Variants in SLC6A5 observed in about 807,000 individuals in gnomAD.
The protein encoded by SLC6A5 is sodium- and chloride-dependent glycine transporter 2.
A neutral mutation model predicts 90.5 loss-of-function variants in SLC6A5; 58 were observed. That is an observed-to-expected ratio of 0.64 (90% CI 0.52 to 0.80). The LOEUF (loss-of-function observed/expected upper bound fraction) is 0.80. Among genes scored for constraint, SLC6A5 ranks in the 30% least tolerant of loss-of-function variants. The probability of loss-of-function intolerance (pLI) is 0.00; values close to 1 mark genes in which losing one functional copy is unlikely to be tolerated. For synonymous variants in SLC6A5, 427 were observed against 401.4 expected (o/e 1.06, Z -0.76); for missense variants, 1,015 against 1,017.6 (o/e 1.00, Z 0.03).
chr11:20,649,782 T>C (rs1306277154), intron 14 of SLC6A5, among the ~76,000 whole-genome samples: 1 of 152,194 alleles, frequency 6.6e-6, no homozygotes, highest in East Asian at 1.9e-4. Flanking sequence ...GTATTGCTAT[T>C]TATATAGTAA....
intron 7 of SLC6A5, 139 bp from the exon 8 acceptor site, chr11:20,626,569 C>A (rs1852998523): frequency 4.5e-6 from 4 of 886,344 alleles, no homozygotes; most frequent in Non-Finnish European, 7.2e-6. Context: ...CTTCCCCAGC[C>A]CTGGCTGCAT....
chr11:20,623,197 A>G (rs1852925672), intron 7 of SLC6A5, among the ~76,000 whole-genome samples: 1 of 152,130 alleles, frequency 6.6e-6, no homozygotes, highest in South Asian at 2.1e-4. Flanking sequence ...GTCACAGTGG[A>G]GAGAAAAGGA....
chr11:20,642,906 G>A (rs1272303569), intron 13 of SLC6A5, among the ~76,000 whole-genome samples: 1 of 152,162 alleles, frequency 6.6e-6, no homozygotes, highest in Non-Finnish European at 1.5e-5. Flanking sequence ...TGAAACCCAA[G>A]CCTTTTCACT....
chr11:20,600,408 GA>G (rs1852445945), intron 1 of SLC6A5, among the ~76,000 whole-genome samples: 3 of 138,072 alleles, frequency 2.2e-5, no homozygotes, highest in Non-Finnish European at 3.2e-5. Flanking sequence ...AGAAGAAGAA[GA>G]AGACCTAAAC....
At position 20,654,916 on chromosome 11, in the gene SLC6A5, C is replaced by T. The variant is rs759361550; in HGVS notation, c.*48C>T. On this transcript the variant is annotated 3_prime_UTR_variant, in exon 16 of 16. Coordinates refer to ENST00000525748, the MANE Select transcript of SLC6A5 (RefSeq NM_004211.5). ...GACTTGATCCTGTTTTTCCTCTCTG[C>T]CTCCTCCTAATGTTTTCCATAGCTC... 2 of 1,575,484 alleles carry T rather than the reference C, an allele frequency of 1.3e-6. No homozygotes were observed. The highest frequency in any genetic ancestry group is 1.7e-6 in the Non-Finnish European group (2 of 1,144,656).
chr11:20,628,465 T>C (rs1853045388), intron 9 of SLC6A5, among the ~76,000 whole-genome samples: 1 of 152,208 alleles, frequency 6.6e-6, no homozygotes, highest in Non-Finnish European at 1.5e-5. Flanking sequence ...TCTCCTCTTC[T>C]TATAAAGACC....
At position 20,636,393 on chromosome 11, in the gene SLC6A5, C is replaced by A; in HGVS notation, c.1711C>A (p.Leu571Ile). 6.2e-7 allele frequency: 1 copy of A among 1,611,830 alleles called. No homozygotes were observed. Among genetic ancestry groups the A allele is most frequent in the Non-Finnish European group, 8.5e-7 (1 of 1,177,888 alleles). Residue 571 changes from leucine to isoleucine, a missense_variant, in exon 11 of 16, where the codon CTC (leucine) becomes ATC (isoleucine). Physicochemically the swap from Leu to Ile is conservative, Grantham distance 5. Transcript: ENST00000525748. The stretch of plus-strand genomic sequence containing the variant: ...CTGGGCCATCATCTTTTTCCTGATG[C>A]TCCTCACTCTTGGACTTGACACTAT... ...PFWAIIFFLM[L>I]LTLGLDTMFA...
chr11:20,634,123 GCCTCC>G (rs2133806333), intron 10 of SLC6A5, among the ~76,000 whole-genome samples: 1 of 152,218 alleles, frequency 6.6e-6, no homozygotes, highest in African/African-American at 2.4e-5. Context: ...GCCCACCTTG[GCCTCC>G]CAAAGTGTGG....
chr11:20,640,094 A>C (rs1853284099), intron 13 of SLC6A5, among the ~76,000 whole-genome samples: 1 of 152,190 alleles, frequency 6.6e-6, no homozygotes. Context: ...TTGCCAGGAG[A>C]GGCAAAAAGA....
At chr11:20,654,257 T>C (rs1853596925) in intron 15 of SLC6A5, among the ~76,000 whole-genome samples, 1 of 152,196 alleles carries the variant, frequency 6.6e-6, no homozygotes, top group Admixed American at 6.5e-5. Context: ...CTGGGAAATA[T>C]GCTAAACAAA....
chr11:20,625,550 CCG>C (rs1378960765), intron 7 of SLC6A5, among the ~76,000 whole-genome samples: 2 of 152,198 alleles, frequency 1.3e-5, no homozygotes, highest in African/African-American at 4.8e-5. Flanking sequence ...GCATAAGCCA[CCG>C]CGCCCGGCCT....
intron 9 of SLC6A5, among the ~76,000 whole-genome samples, chr11:20,629,380 C>G (rs1853064495): frequency 6.6e-6 from 1 of 152,194 alleles, no homozygotes; most frequent in Non-Finnish European, 1.5e-5. Flanking sequence ...CCCATCTCCT[C>G]AATTTCTGTT....
intron 10 of SLC6A5, 41 bp downstream of exon 10, chr11:20,630,856 C>A (rs763380365): frequency 1.2e-6 from 2 of 1,611,018 alleles, no homozygotes; most frequent in Non-Finnish European, 1.7e-6. Context: ...GGGCAGGTCC[C>A]AGGCTCATGT....
chr11:20,649,829 A>G (rs1853489364), intron 14 of SLC6A5, among the ~76,000 whole-genome samples: 1 of 152,222 alleles, frequency 6.6e-6, no homozygotes, highest in African/African-American at 2.4e-5. Context: ...ACATTAGGCC[A>G]TACTTACAAT....
chr11:20,617,609 A>G, intron 6 of SLC6A5, 143 bp from the exon 7 acceptor site: 1 of 734,312 alleles, frequency 1.4e-6, no homozygotes, highest in Non-Finnish European at 2.4e-6. Context: ...TGATGTGATT[A>G]GGTTCCTGAT....
rs557118448 is a variant in SLC6A5, at chr11:20,638,773, T to C, written c.1969+215T>C. ...AACAAGAGGTGGCTGAAGGCGAAAC[T>C]TAAAAATCTTTGTATCAGAAATTCC... On this transcript the variant is annotated intron_variant, in intron 13 of 15. Transcript: ENST00000525748. Among the ~76,000 whole-genome samples the C allele has an allele frequency of 5.9e-5, 9 of 152,308 alleles. 1 individual carries two copies. In the South Asian group the frequency reaches 1.9e-3, roughly 32 times the overall value.
In SLC6A5 at chr11:20,654,797, G is replaced by C. The variant is rs776857479; in HGVS notation, c.2323G>C (p.Asp775His). 5.9e-5 allele frequency: 96 copies of C among 1,613,972 alleles called. No homozygotes were observed. Among genetic ancestry groups the C allele is most frequent in the Non-Finnish European group, 3.4e-6 (4 of 1,180,014 alleles). The change falls in exon 16 of 16, where the codon GAC becomes CAC. Residue 775 changes from aspartate to histidine, a missense_variant. Around this residue, in one of 3 missense-constraint regions of SLC6A5, gnomAD observed 442 missense variants for 494.3 expected, o/e 0.89. Coordinates refer to ENST00000525748, the MANE Select transcript of SLC6A5 (RefSeq NM_004211.5). ...CGGGGAGCGTTACAAGAACATGATC[G>C]ACCCCTTGGGAACCTCTTCCTTGGG... ...HRGERYKNMI[D>H]PLGTSSLGLK...
At chr11:20,653,975 A>T (rs1853587863) in intron 15 of SLC6A5, among the ~76,000 whole-genome samples, 1 of 152,262 alleles carries the variant, frequency 6.6e-6, no homozygotes, top group African/African-American at 2.4e-5. Flanking sequence ...TCACTTTAAA[A>T]GGTAATAAAC....
At position 20,638,620 on chromosome 11, in the gene SLC6A5, C is replaced by A. The variant is rs1039142459; in HGVS notation, c.1969+62C>A. On this transcript the variant is annotated intron_variant, in intron 13 of 15. Transcript: ENST00000525748. The stretch of plus-strand genomic sequence containing the variant: ...TTGAGTGTCGGTAAGGCATTCATGG[C>A]AAGCAGATTTCCCATACTTAATAAG... The A allele has an allele frequency of 1.9e-5, 18 of 968,172 alleles. No individual in the cohort carries two copies. The Admixed American group carries it at 1.9e-4, about 10-fold the overall frequency. 60.0% of individuals were successfully genotyped at this position (968,172 alleles called of 1,614,324 possible).
Sources: gnomAD v4.1 joint callset for allele counts (sites outside exome capture counted in the v4.1 genomes callset) on GRCh38, gnomAD v4.1.1 for gene constraint, gnomAD v4.1.1 regional missense constraint, MANE v1.5 for transcripts, NCBI Gene and HGNC (gene_info 2026-07-23, HGNC 2026-07-21) for gene names.